GABRA3: variants seen among roughly 807,000 people sequenced by gnomAD.
GABRA3 encodes gamma-aminobutyric acid type A receptor subunit alpha3.
GABRA3 carries 10 observed loss-of-function variants against 30.1 expected under a neutral mutation model. The ratio of observed to expected loss-of-function variants is 0.33; its 90% CI spans 0.20 to 0.56. The LOEUF (loss-of-function observed/expected upper bound fraction) is 0.56, where lower values mean the gene tolerates loss of function less well. Among genes scored for constraint, GABRA3 ranks in the 20% least tolerant of loss-of-function variants. GABRA3 has a pLI of 0.89. For synonymous variants in GABRA3, 151 were observed against 146.8 expected (o/e 1.03, Z -0.21); for missense variants, 233 against 392.0 (o/e 0.59, Z 3.42).
chrX:152,289,220 G>T (rs762043151), intron 3 of GABRA3, among the ~76,000 whole-genome samples: 24 of 109,259 alleles, frequency 2.2e-4, no homozygotes, highest in African/African-American at 8.0e-4. Flanking sequence ...AATAATTCTT[G>T]AATTTTCTTG....
chrX:152,267,232 T>C (rs373934758), intron 4 of GABRA3, among the ~76,000 whole-genome samples: 10 of 112,306 alleles, frequency 8.9e-5, no homozygotes, highest in African/African-American at 3.2e-4. Context: ...GGATGTTGGA[T>C]TTTATCAAAT....
At chrX:152,219,744 T>G (rs1449478195) in intron 6 of GABRA3, among the ~76,000 whole-genome samples, 2 of 111,228 alleles carry the variant, frequency 1.8e-5, no homozygotes, top group African/African-American at 6.5e-5. Context: ...AAATTTAATA[T>G]TAGTAAGTCT....
intron 3 of GABRA3, among the ~76,000 whole-genome samples, chrX:152,330,393 T>C (rs1253647066): frequency 8.9e-6 from 1 of 112,008 alleles, no homozygotes; most frequent in Non-Finnish European, 1.9e-5. Flanking sequence ...TAAAGACACA[T>C]GCATACATAT....
chrX:152,400,087 A>T (rs1929755968), intron 1 of GABRA3, among the ~76,000 whole-genome samples: 1 of 111,982 alleles, frequency 8.9e-6, no homozygotes, highest in South Asian at 3.7e-4. Context: ...CAAAGAGGAT[A>T]CACACACGTC....
intron 2 of GABRA3, among the ~76,000 whole-genome samples, chrX:152,356,566 C>T (rs191205168): frequency 9.0e-6 from 1 of 111,148 alleles, no homozygotes; most frequent in Admixed American, 9.5e-5. Context: ...TATGATTAAC[C>T]AAGTCTAATT....
intron 3 of GABRA3, among the ~76,000 whole-genome samples, chrX:152,325,275 C>A (rs778153642): frequency 8.9e-6 from 1 of 112,024 alleles, no homozygotes; most frequent in South Asian, 3.8e-4. Context: ...CAGCTCCAGT[C>A]TACAGCTCCC....
intron 1 of GABRA3, among the ~76,000 whole-genome samples, chrX:152,381,701 C>G (rs896825470): frequency 9.1e-6 from 1 of 109,315 alleles, no homozygotes; most frequent in Non-Finnish European, 1.9e-5. Flanking sequence ...CTCCCCTAAC[C>G]CCCCCCACCC....
At chrX:152,369,796 G>T (rs914910552) in intron 1 of GABRA3, among the ~76,000 whole-genome samples, 9 of 110,481 alleles carry the variant, frequency 8.1e-5, no homozygotes, top group Admixed American at 1.9e-4. Flanking sequence ...GAGGATTTTG[G>T]TTTTTTTTAA....
intron 2 of GABRA3, 80 bp downstream of exon 2, chrX:152,364,351 G>T (rs922114355): frequency 1.1e-4 from 110 of 998,754 alleles, no homozygotes; most frequent in Non-Finnish European, 1.5e-4. Context: ...GGGTTCATCT[G>T]GGGGAAAACA....
intron 8 of GABRA3, 21 bp downstream of exon 8, chrX:152,197,612 G>A (rs1278277479): frequency 2.5e-6 from 3 of 1,177,497 alleles, no homozygotes; most frequent in Non-Finnish European, 2.3e-6. Context: ...TTTCCCCTAC[G>A]CTCCATAAAT....
chrX:152,215,233 A>T (rs1937698637), intron 6 of GABRA3, among the ~76,000 whole-genome samples: 1 of 108,722 alleles, frequency 9.2e-6, no homozygotes, highest in African/African-American at 3.3e-5. Context: ...GCCTTGTTTC[A>T]CAGTTTCAGA....
chrX:152,170,259 C>G (rs111328293), intron 9 of GABRA3, among the ~76,000 whole-genome samples: 227 of 112,609 alleles, frequency 2.0e-3, no homozygotes, highest in African/African-American at 6.6e-3. Context: ...GAAGTTTATG[C>G]TCTGGGTCAC....
chrX:152,241,331 A>C, intron 5 of GABRA3, among the ~76,000 whole-genome samples: 1 of 79,619 alleles, frequency 1.3e-5, no homozygotes, highest in Non-Finnish European at 3.2e-5. Flanking sequence ...GTCAGGGGTC[A>C]GGGACCCACT....
rs1428002737 is a variant in GABRA3 at position 152,227,014 on chromosome X, C to A, written c.552-2169G>T. On this transcript the variant is annotated intron_variant, in intron 5 of 9. Transcript: ENST00000370314. ...CTAGAACTAGAAATACCATTTGACC[C>A]AGCCATCCCATTACTGGGTATGTAC... 3.6e-5 allele frequency among the ~76,000 whole-genome samples: 4 copies of A among 110,766 alleles called. No homozygotes were observed. In the South Asian group the frequency reaches 1.2e-3, roughly 32 times the overall value.
At chrX:152,313,314 T>C (rs2124461269) in intron 3 of GABRA3, among the ~76,000 whole-genome samples, 1 of 111,416 alleles carries the variant, frequency 9.0e-6, no homozygotes, top group Admixed American at 9.5e-5. Flanking sequence ...TCCCAGTGTC[T>C]CAAAGCACCT....
chrX:152,351,115 G>T (rs969313295), intron 2 of GABRA3, among the ~76,000 whole-genome samples: 2 of 111,547 alleles, frequency 1.8e-5, no homozygotes, highest in African/African-American at 6.5e-5. Context: ...ATTCTTAAGG[G>T]TCCTAGGATT....
chrX:152,402,880 C>T (rs978289067), intron 1 of GABRA3, among the ~76,000 whole-genome samples: 1 of 111,768 alleles, frequency 8.9e-6, no homozygotes, highest in Admixed American at 9.5e-5. Context: ...ACTTTATGCA[C>T]TGTATTGTTG....
intron 9 of GABRA3, among the ~76,000 whole-genome samples, chrX:152,173,807 T>C (rs1218209700): frequency 2.7e-5 from 3 of 110,603 alleles, no homozygotes; most frequent in Non-Finnish European, 3.8e-5. Context: ...ATTATTATTA[T>C]ACTTTAAGTT....
intron 1 of GABRA3, among the ~76,000 whole-genome samples, chrX:152,438,324 T>C (rs1391497926): frequency 8.9e-6 from 1 of 112,227 alleles, no homozygotes; most frequent in East Asian, 2.8e-4. Flanking sequence ...CTAGTAAACA[T>C]GTGGAGCAAC....
Sources: gnomAD v4.1 joint callset for allele counts (sites outside exome capture counted in the v4.1 genomes callset) on GRCh38, gnomAD v4.1.1 for gene constraint, MANE v1.5 for transcripts, NCBI Gene and HGNC (gene_info 2026-07-23, HGNC 2026-07-21) for gene names.